Variants in PLCB1 observed in about 807,000 individuals in gnomAD.
The protein encoded by PLCB1 is phospholipase C beta 1.
Under a neutral mutation model 161.8 loss-of-function variants are expected in PLCB1, and 46 were observed. That is an observed-to-expected ratio of 0.28 (90% CI 0.22 to 0.36). PLCB1 has a LOEUF of 0.36. Ranked by LOEUF, PLCB1 falls within the 10% of genes least tolerant of loss-of-function variation. PLCB1 has a pLI of 1.00. For synonymous variants in PLCB1, 517 were observed against 503.7 expected (o/e 1.03, Z -0.35); for missense variants, 1,016 against 1,472.5 (o/e 0.69, Z 5.07).
chr20:8,348,404 CAA>C (rs1377127623), intron 2 of PLCB1, among the ~76,000 whole-genome samples: 1 of 152,150 alleles, frequency 6.6e-6, no homozygotes, highest in Non-Finnish European at 1.5e-5. Context: ...TAAATTCTGG[CAA>C]AGAGGTGTCA....
At chr20:8,373,329 C>T (rs1478808933) in intron 3 of PLCB1, among the ~76,000 whole-genome samples, 1 of 152,096 alleles carries the variant, frequency 6.6e-6, no homozygotes, top group African/African-American at 2.4e-5. Flanking sequence ...TTAAACATTA[C>T]CTGTGTGGCT....
At chr20:8,290,298 A>G (rs866252155) in intron 2 of PLCB1, among the ~76,000 whole-genome samples, 7 of 152,174 alleles carry the variant, frequency 4.6e-5, no homozygotes, top group African/African-American at 7.2e-5. Context: ...TCTGAATGCA[A>G]GTAGTTTTCT....
chr20:8,751,082 C>T, intron 23 of PLCB1: 1 of 217,684 alleles, frequency 4.6e-6, no homozygotes, highest in Admixed American at 5.6e-5. Flanking sequence ...ACTACAGGCG[C>T]CCACCACCAA....
rs561535108 is a variant in PLCB1, at chr20:8,271,835, T to C, written c.178-99547T>C. Reference sequence around the variant, plus strand: ...TAACAGGGACAAACTAAGGTAACCCTGGTGTAATGTCTTGTAAAAGAAGAA... The same window carrying C: ...TAACAGGGACAAACTAAGGTAACCCCGGTGTAATGTCTTGTAAAAGAAGAA... On this transcript the variant is annotated intron_variant, in intron 2 of 31. Transcript: ENST00000338037. 3.3e-5 allele frequency among the ~76,000 whole-genome samples: 5 copies of C among 152,266 alleles called. No individual in the cohort carries two copies. The East Asian group carries it at 9.7e-4, about 29-fold the overall frequency.
intron 3 of PLCB1, among the ~76,000 whole-genome samples, chr20:8,386,190 A>G (rs1987420859): frequency 6.6e-6 from 1 of 152,178 alleles, no homozygotes. Context: ...TGGCATCTAG[A>G]ATGGTGAATT....
intron 9 of PLCB1, among the ~76,000 whole-genome samples, chr20:8,662,387 T>G (rs1282378627): frequency 1.6e-5 from 2 of 128,742 alleles, no homozygotes; most frequent in South Asian, 4.7e-4. Flanking sequence ...GTATAATATA[T>G]AATTATTTAT....
chr20:8,622,918 G>GAAAT (rs1361108230), intron 3 of PLCB1, among the ~76,000 whole-genome samples: 1 of 148,860 alleles, frequency 6.7e-6, no homozygotes, highest in Non-Finnish European at 1.5e-5. Flanking sequence ...GCAACTTTTT[G>GAAAT]AAATAGGTAA....
chr20:8,313,449 C>A (rs1280724039), intron 2 of PLCB1, among the ~76,000 whole-genome samples: 3 of 152,102 alleles, frequency 2.0e-5, no homozygotes, highest in Non-Finnish European at 4.4e-5. Context: ...CCCTTTCAAG[C>A]CTCCACCTGT....
intron 3 of PLCB1, among the ~76,000 whole-genome samples, chr20:8,542,665 G>C (rs1985380209): frequency 1.3e-5 from 2 of 152,154 alleles, no homozygotes; most frequent in African/African-American, 4.8e-5. Context: ...TTCTGATTTG[G>C]TTGGGAAAAT....
chr20:8,391,557 C>T (rs959220090), intron 3 of PLCB1, among the ~76,000 whole-genome samples: 5 of 151,980 alleles, frequency 3.3e-5, no homozygotes, highest in African/African-American at 1.2e-4. Flanking sequence ...AACTCCAGTG[C>T]ACTTATTAGC....
At chr20:8,297,672 C>T (rs1280482737) in intron 2 of PLCB1, among the ~76,000 whole-genome samples, 1 of 152,092 alleles carries the variant, frequency 6.6e-6, no homozygotes, top group African/African-American at 2.4e-5. Flanking sequence ...CATTAATGCA[C>T]AACCACTGAG....
intron 2 of PLCB1, 43 bp from the exon 3 acceptor site, chr20:8,371,339 G>A: frequency 7.4e-7 from 1 of 1,354,262 alleles, no homozygotes; most frequent in South Asian, 1.2e-5. Context: ...AAAGAGGAAA[G>A]GTCTGTGTCG....
chr20:8,844,730 C>G (rs531104890), intron 31 of PLCB1, among the ~76,000 whole-genome samples: 1 of 152,156 alleles, frequency 6.6e-6, no homozygotes, highest in Non-Finnish European at 1.5e-5. Context: ...AAGTGAAATT[C>G]TAGTACACTT....
intron 12 of PLCB1, 63 bp from the exon 13 acceptor site, chr20:8,716,201 T>G (rs1212483537): frequency 8.3e-7 from 1 of 1,204,636 alleles, no homozygotes; most frequent in Non-Finnish European, 1.2e-6. Context: ...CACAAAGCAA[T>G]CCTGTTCAGG....
intron 3 of PLCB1, among the ~76,000 whole-genome samples, chr20:8,567,746 A>G (rs1986383100): frequency 6.6e-6 from 1 of 152,130 alleles, no homozygotes; most frequent in Non-Finnish European, 1.5e-5. Flanking sequence ...AAACACATAA[A>G]TAAATAAATA....
intron 16 of PLCB1, among the ~76,000 whole-genome samples, chr20:8,725,156 C>T (rs1979866969): frequency 6.6e-6 from 1 of 152,138 alleles, no homozygotes. Flanking sequence ...GGGAAGCAGG[C>T]AGAGACTTGA....
intron 3 of PLCB1, among the ~76,000 whole-genome samples, chr20:8,469,637 AAC>A (rs1230018154): frequency 6.6e-6 from 1 of 152,148 alleles, no homozygotes; most frequent in Non-Finnish European, 1.5e-5. Context: ...AAAGAGAGAA[AAC>A]AGTGACCAAA....
intron 13 of PLCB1, among the ~76,000 whole-genome samples, chr20:8,716,617 G>C (rs1021776781): frequency 2.6e-5 from 4 of 152,118 alleles, no homozygotes; most frequent in African/African-American, 9.7e-5. Flanking sequence ...ATTACAATCA[G>C]CCCATAGAGA....
intron 2 of PLCB1, among the ~76,000 whole-genome samples, chr20:8,227,673 C>T (rs1174194919): frequency 6.6e-6 from 1 of 152,192 alleles, no homozygotes; most frequent in African/African-American, 2.4e-5. Context: ...TTAAAAATAT[C>T]ATTTCATTAT....
Sources: allele counts gnomAD v4.1 joint callset (sites outside exome capture counted in the v4.1 genomes callset), GRCh38; gene constraint gnomAD v4.1.1; transcripts MANE v1.5; gene names NCBI Gene and HGNC (gene_info 2026-07-23, HGNC 2026-07-21).